CCNJL: variants seen among roughly 807,000 people sequenced by gnomAD.
CCNJL encodes cyclin-J-like protein.
In CCNJL, 33 loss-of-function variants were observed where a neutral mutation model predicts 33.4. The observed-to-expected ratio is 0.99, with a 90% CI of 0.75 to 1.32. CCNJL has a LOEUF of 1.32. Ranked by LOEUF, CCNJL falls within the 40% of genes most tolerant of loss-of-function variation. The probability of loss-of-function intolerance (pLI) is 0.00; values close to 1 mark genes in which losing one functional copy is unlikely to be tolerated. For missense variants in CCNJL, 512 were observed against 499.7 expected, an observed-to-expected ratio of 1.02 and a Z score of -0.23; for synonymous variants, 227 against 220.9, an observed-to-expected ratio of 1.03 and a Z score of -0.24.
At chr5:160,300,692 A>T (rs1410649095) in intron 2 of CCNJL, among the ~76,000 whole-genome samples, 3 of 151,756 alleles carry the variant, frequency 2.0e-5, no homozygotes, top group African/African-American at 4.8e-5. Context: ...TCTTTTTTTT[A>T]AAAAAAGAGA....
At chr5:160,297,730 C>G (rs147472306) in intron 2 of CCNJL, among the ~76,000 whole-genome samples, 1 of 150,672 alleles carries the variant, frequency 6.6e-6, no homozygotes, top group East Asian at 1.9e-4. Flanking sequence ...ATTATTTTTG[C>G]AACTTGGTTG....
intron 2 of CCNJL, among the ~76,000 whole-genome samples, chr5:160,294,416 C>T (rs1762685105): frequency 6.6e-6 from 1 of 152,188 alleles, no homozygotes; most frequent in Non-Finnish European, 1.5e-5. Context: ...GCACCACATC[C>T]GCAGCCGGCG....
At chr5:160,282,522 C>G (rs1415161618) in intron 2 of CCNJL, among the ~76,000 whole-genome samples, 1 of 151,994 alleles carries the variant, frequency 6.6e-6, no homozygotes, top group Admixed American at 6.6e-5. Flanking sequence ...AAAAGACAAC[C>G]TGCAAAATGG....
At chr5:160,336,036 T>C (rs945177575) in intron 1 of CCNJL, among the ~76,000 whole-genome samples, 14 of 152,196 alleles carry the variant, frequency 9.2e-5, no homozygotes, top group African/African-American at 3.1e-4. Context: ...GACTCTCCCC[T>C]TCTTTATTTG....
chr5:160,249,805 T>G lies in CCNJL; in HGVS notation c.*3573A>C, dbSNP rs929737007. The G allele has an allele frequency of 7.0e-6, 1 of 143,558 alleles. No individual in the cohort carries two copies. The highest frequency in any genetic ancestry group is 2.7e-5 in the African/African-American group (1 of 37,662). The allele number at this position is 143,558 out of a possible 1,614,324, so 8.9% of individuals were successfully genotyped here. A position where few individuals can be genotyped will look rare whatever the true frequency, so the allele number is the denominator to read the frequency against. On this transcript the variant is annotated 3_prime_UTR_variant, in exon 6 of 6. Coordinates refer to ENST00000257536, the MANE Select transcript of CCNJL (RefSeq NM_001308173.3). Reference sequence around the variant, plus strand: ...ATAAATAAATAAATAAATAAATAAATAAAATAAAAATTTAAAAAATCAAAC... The same window carrying G: ...ATAAATAAATAAATAAATAAATAAAGAAAATAAAAATTTAAAAAATCAAAC...
Position 160,250,371 on chromosome 5 carries a change from C to A in CCNJL, c.*3007G>T, listed in dbSNP as rs1409382965. 3.3e-5 allele frequency: 5 copies of A among 152,312 alleles called. No homozygotes were observed. The highest frequency in any genetic ancestry group is 1.9e-4 in the East Asian group (1 of 5,204). The allele number at this position is 152,312 out of a possible 1,614,324, so 9.4% of individuals were successfully genotyped here. A position where few individuals can be genotyped will look rare whatever the true frequency, so the allele number is the denominator to read the frequency against. ...CTGCCTCACCTAGCCTTGCACACAG[C>A]GGGTGGTGAGCACTGCCCTCAGCCC... is the stretch of plus-strand genomic sequence containing the variant. On this transcript the variant is annotated 3_prime_UTR_variant, in exon 6 of 6. Coordinates refer to ENST00000257536, the MANE Select transcript of CCNJL (RefSeq NM_001308173.3).
intron 3 of CCNJL, chr5:160,269,446 G>A (rs1414337668): frequency 1.1e-5 from 5 of 456,400 alleles, no homozygotes; most frequent in African/African-American, 2.0e-5. Flanking sequence ...TTTAAAGAAA[G>A]CTCACTCCTA....
At chr5:160,269,306 G>C (rs1761733916) in intron 3 of CCNJL, among the ~76,000 whole-genome samples, 1 of 152,218 alleles carries the variant, frequency 6.6e-6, no homozygotes, top group Non-Finnish European at 1.5e-5. Context: ...TGAAAGCAGG[G>C]CCTGCGGGGT....
rs189773036 is a variant in CCNJL, at chr5:160,334,705, C to T, written n.206+4740G>A. Among the ~76,000 whole-genome samples the T allele has an allele frequency of 5.9e-5, 9 of 152,312 alleles. No homozygotes were observed. In the South Asian group the frequency reaches 6.2e-4, roughly 11 times the overall value. On this transcript the variant is annotated intron_variant and non_coding_transcript_variant, in intron 1 of 7. Transcript: ENST00000377503. ...CTCGGGATCCATGAACTTCACACACCGCTGTTGTCGAGCATTTCTCCCACA... is the reference window on the plus strand; with the variant it reads ...CTCGGGATCCATGAACTTCACACACTGCTGTTGTCGAGCATTTCTCCCACA...
upstream of CCNJL, chr5:160,315,478 G>C (rs1763371204): frequency 6.8e-6 from 3 of 439,108 alleles, no homozygotes; most frequent in African/African-American, 2.0e-5. Flanking sequence ...CTGCACTCCA[G>C]CCTGGGCAAC....
chr5:160,293,259 A>C (rs1465839096), intron 2 of CCNJL, among the ~76,000 whole-genome samples: 2 of 152,172 alleles, frequency 1.3e-5, no homozygotes, highest in Non-Finnish European at 1.5e-5. Flanking sequence ...TCTCTACTAC[A>C]AATACAAAAG....
At chr5:160,256,613 T>G (rs1004888455) in intron 4 of CCNJL, among the ~76,000 whole-genome samples, 50 of 152,162 alleles carry the variant, frequency 3.3e-4, no homozygotes, top group Non-Finnish European at 2.1e-4. Context: ...ATTACTCTGT[T>G]GTCTTAAATT....
At chr5:160,305,892 A>T (rs6556489) in intron 2 of CCNJL, among the ~76,000 whole-genome samples, 73,758 of 152,046 alleles carry the variant, frequency 0.49, 19,295 homozygotes, top group African/African-American at 0.69. Flanking sequence ...AACATTATCA[A>T]CACTAAACGA....
intron 1 of CCNJL, among the ~76,000 whole-genome samples, chr5:160,321,474 G>A (rs960876874): frequency 1.3e-5 from 2 of 152,128 alleles, no homozygotes; most frequent in African/African-American, 4.8e-5. Flanking sequence ...AGGGGCTTCC[G>A]TAGCTTCCAG....
intron 1 of CCNJL, among the ~76,000 whole-genome samples, chr5:160,320,990 CTTTCTT>C (rs1763446102): frequency 1.3e-5 from 1 of 76,072 alleles, no homozygotes; most frequent in African/African-American, 7.0e-5. Flanking sequence ...CTCTCTCTTT[CTTTCTT>C]TCTCTCTCTC....
chr5:160,280,149 A>G (rs536392924), intron 3 of CCNJL, among the ~76,000 whole-genome samples: 1 of 152,244 alleles, frequency 6.6e-6, no homozygotes, highest in South Asian at 2.1e-4. Flanking sequence ...AGGAGACAGG[A>G]GGTTGAGGGC....
intron 2 of CCNJL, among the ~76,000 whole-genome samples, chr5:160,282,817 T>C (rs1045660868): frequency 1.3e-5 from 2 of 151,144 alleles, no homozygotes; most frequent in Admixed American, 6.6e-5. Context: ...TGAAAATGTA[T>C]ATACAAGTGC....
intron 1 of CCNJL, among the ~76,000 whole-genome samples, chr5:160,327,688 C>T (rs146945757): frequency 6.6e-6 from 1 of 152,300 alleles, no homozygotes; most frequent in Non-Finnish European, 1.5e-5. Context: ...TGACCCTTGT[C>T]AGAGGTCCTG....
chr5:160,252,049 C>T lies in CCNJL; in HGVS notation c.*1329G>A, dbSNP rs1479228815. ...TAAGGAATCCAAGACAGGTATTCCT[C>T]AAACAAAACAAAAATTGCTTCCACG... On this transcript the variant is annotated 3_prime_UTR_variant, in exon 6 of 6. Coordinates refer to ENST00000257536, the MANE Select transcript of CCNJL (RefSeq NM_001308173.3). The T allele has an allele frequency of 6.6e-6, 1 of 152,592 alleles. No homozygotes were observed. The highest frequency in any genetic ancestry group is 2.4e-5 in the African/African-American group (1 of 41,450). 9.5% of individuals were successfully genotyped at this position (152,592 alleles called of 1,614,324 possible).
Sources: gnomAD v4.1 joint callset for allele counts (sites outside exome capture counted in the v4.1 genomes callset) on GRCh38, gnomAD v4.1.1 for gene constraint, MANE v1.5 for transcripts, NCBI Gene and HGNC (gene_info 2026-07-23, HGNC 2026-07-21) for gene names.